INPP4A: variants seen among roughly 807,000 people sequenced by gnomAD.
INPP4A encodes inositol polyphosphate-4-phosphatase type I A.
INPP4A carries 33 observed loss-of-function variants against 119.8 expected under a neutral mutation model. That is an observed-to-expected ratio of 0.28 (90% confidence interval 0.21 to 0.37). The LOEUF is 0.37. Ranked by LOEUF, INPP4A falls within the 10% of genes least tolerant of loss-of-function variation. INPP4A has a pLI of 1.00. For missense variants in INPP4A, 956 were observed against 1,289.9 expected (o/e 0.74, Z 3.97); for synonymous variants, 496 against 500.7 (o/e 0.99, Z 0.12).
Position 98,576,999 on chromosome 2 carries a change from G to A in INPP4A, c.2642G>A (p.Arg881His), listed in dbSNP as rs746015383. The A allele has an allele frequency of 4.3e-6, 7 of 1,612,252 alleles. No individual in the cohort carries two copies. Among genetic ancestry groups the A allele is most frequent in the South Asian group, 1.1e-5 (1 of 91,020 alleles). ...ILWQAAEICR[R>H]LNGVRFTSCK... is the part of the protein sequence containing the mutation. ...TGTTTCTGTTGGCAGATCTGCCGCC[G>A]CCTTAATGGGGTCCGGTTCACCAGC... Residue 881 changes from arginine (R) to histidine (H), a missense_variant, in exon 24 of 25, where the codon CGC becomes CAC. Around this residue, in one of 2 missense-constraint regions of INPP4A, gnomAD observed 304 missense variants for 492.1 expected, o/e 0.62. Transcript: ENST00000409851.
intron 4 of INPP4A, among the ~76,000 whole-genome samples, chr2:98,523,660 CT>C (rs1247693161): frequency 6.6e-6 from 1 of 152,176 alleles, no homozygotes; most frequent in East Asian, 1.9e-4. Flanking sequence ...TCCCAAAGTG[CT>C]GGGATTACAG....
intron 13 of INPP4A, among the ~76,000 whole-genome samples, chr2:98,552,055 G>C (rs751685802): frequency 5.3e-5 from 8 of 152,172 alleles, no homozygotes; most frequent in Admixed American, 5.2e-4. Flanking sequence ...AGACACACAC[G>C]CTGCTTGGTG....
intron 10 of INPP4A, among the ~76,000 whole-genome samples, chr2:98,541,924 TTTG>T (rs1375524726): frequency 6.6e-6 from 1 of 152,224 alleles, no homozygotes; most frequent in East Asian, 1.9e-4. Flanking sequence ...GTTCAAGGGT[TTTG>T]TTGTTGTTTT....
chr2:98,546,973 ACT>A lies in INPP4A; in HGVS notation c.1163+282_1163+283del, dbSNP rs1692589230. The stretch of plus-strand genomic sequence containing the variant: ...TGCTCCAGGCAACCGCCCTATGTAG[ACT>A]CTGCTGGCTTGGCATCCTTTAGAGT... On this transcript the variant is annotated intron_variant, in intron 13 of 24. Transcript: ENST00000409851. The surrounding 1 kb of genome is among the most constrained non-coding windows in gnomAD (Gnocchi z 4.2). 6.6e-6 allele frequency among the ~76,000 whole-genome samples: 1 copy of A among 151,944 alleles called. No homozygotes were observed. The highest frequency in any genetic ancestry group is 2.4e-5 in the African/African-American group (1 of 41,344).
At position 98,445,956 on chromosome 2, in the gene INPP4A, C is replaced by T. The variant is rs571587225; in HGVS notation, c.-166+871C>T. Among the ~76,000 whole-genome samples, 5 of 152,344 alleles carry T rather than the reference C, an allele frequency of 3.3e-5. No individual in the cohort carries two copies. In the South Asian group the frequency reaches 8.3e-4, roughly 25 times the overall value. On this transcript the variant is annotated intron_variant, in intron 1 of 24. Transcript: ENST00000409851. ...AGTGGAATTTGATTTGTCGCCTGCC[C>T]CTCAGGGCATTTAAACCAAGGGAAT...
intron 22 of INPP4A, among the ~76,000 whole-genome samples, chr2:98,572,456 G>A (rs375318291): frequency 2.0e-5 from 3 of 152,316 alleles, no homozygotes; most frequent in African/African-American, 2.4e-5. Flanking sequence ...TTCTACCCTC[G>A]GGAAGTTTTG....
At chr2:98,579,623 G>A (rs930619971) in intron 24 of INPP4A, among the ~76,000 whole-genome samples, 1 of 152,244 alleles carries the variant, frequency 6.6e-6, no homozygotes, top group African/African-American at 2.4e-5. Flanking sequence ...TGTCACTCTT[G>A]TGAGGCTTCT....
At chr2:98,557,677 G>A (rs997195181) in intron 16 of INPP4A, among the ~76,000 whole-genome samples, 25 of 152,218 alleles carry the variant, frequency 1.6e-4, no homozygotes, top group Admixed American at 1.6e-3. Flanking sequence ...TTTTTCACCA[G>A]GGAGCTGCCC....
Position 98,448,558 on chromosome 2 carries a change from G to A in INPP4A, c.-166+3473G>A, listed in dbSNP as rs562561864. Among the ~76,000 whole-genome samples, 7 of 152,012 alleles carry A rather than the reference G, an allele frequency of 4.6e-5. No homozygotes were observed. In the East Asian group the frequency reaches 1.2e-3, roughly 25 times the overall value. On this transcript the variant is annotated intron_variant, in intron 1 of 24. Transcript: ENST00000409851. ...ACCACGTCTTTCTTTTGTATTTCAC[G>A]ACATAGACATATTTGAAGACTACTG...
chr2:98,559,729 T>C (rs1365852455), intron 17 of INPP4A, among the ~76,000 whole-genome samples: 1 of 152,200 alleles, frequency 6.6e-6, no homozygotes, highest in African/African-American at 2.4e-5. Flanking sequence ...TACTCTTACA[T>C]TCTAAAGTCT....
intron 1 of INPP4A, among the ~76,000 whole-genome samples, chr2:98,518,567 A>T (rs1406919725): frequency 6.6e-6 from 1 of 152,128 alleles, no homozygotes; most frequent in Non-Finnish European, 1.5e-5. Flanking sequence ...TTTGGTTTTC[A>T]TTGCAGCCCC....
chr2:98,471,898 T>C (rs550948751), intron 1 of INPP4A, among the ~76,000 whole-genome samples: 2 of 152,228 alleles, frequency 1.3e-5, no homozygotes, highest in South Asian at 2.1e-4. Context: ...TGAGGACTGA[T>C]TGAAGAAGTA....
intron 1 of INPP4A, among the ~76,000 whole-genome samples, chr2:98,474,994 T>G (rs1258370850): frequency 6.6e-6 from 1 of 152,094 alleles, no homozygotes; most frequent in Non-Finnish European, 1.5e-5. Context: ...TATCAGAAGT[T>G]TTTTTTCTTT....
At chr2:98,492,916 T>G (rs1681140108) in intron 1 of INPP4A, among the ~76,000 whole-genome samples, 1 of 152,164 alleles carries the variant, frequency 6.6e-6, no homozygotes, top group Admixed American at 6.5e-5. Context: ...GGAGTCCAGT[T>G]CAGTTCTGCA....
chr2:98,447,444 G>C (rs1179390365), intron 1 of INPP4A, among the ~76,000 whole-genome samples: 1 of 152,100 alleles, frequency 6.6e-6, no homozygotes, highest in Non-Finnish European at 1.5e-5. Flanking sequence ...GCCCATGCAG[G>C]CTTGCTTCAT....
chr2:98,499,269 C>G (rs1478755263), intron 1 of INPP4A, among the ~76,000 whole-genome samples: 1 of 152,218 alleles, frequency 6.6e-6, no homozygotes, highest in African/African-American at 2.4e-5. Flanking sequence ...CGCATGTCAG[C>G]AGTTATCCCA....
Position 98,503,934 on chromosome 2 carries a change from C to G in INPP4A, c.-165-15030C>G, listed in dbSNP as rs6724141. 5.7e-3 allele frequency among the ~76,000 whole-genome samples: 870 copies of G among 152,368 alleles called. 6 individuals are homozygous for G. Among genetic ancestry groups the G allele is most frequent in the African/African-American group, 0.019 (809 of 41,588 alleles). On this transcript the variant is annotated intron_variant, in intron 1 of 24. Coordinates refer to ENST00000409851, the MANE Select transcript of INPP4A (RefSeq NM_001134225.2). ...GTGCTGCGTGTCAGTTGGCACTTGT[C>G]CCTACATGGTTGAACTTACTCAACC...
intron 5 of INPP4A, 111 bp from the exon 6 acceptor site, chr2:98,535,618 C>T (rs1182430124): frequency 1.6e-6 from 1 of 634,510 alleles, no homozygotes; most frequent in Non-Finnish European, 2.8e-6. Flanking sequence ...TGTGTTGATT[C>T]AAGGCAGTGA....
At position 98,590,375 on chromosome 2, in the gene INPP4A, C is replaced by T. The variant is rs145427248; in HGVS notation, c.*2767C>T. On this transcript the variant is annotated 3_prime_UTR_variant, in exon 25 of 25. Transcript: ENST00000409851. Reference sequence around the variant, plus strand: ...GTTAAGAGCACGGACTTTGGGAGCACACAGACCAGGTCCCAATCCTGGTTC... The same window carrying T: ...GTTAAGAGCACGGACTTTGGGAGCATACAGACCAGGTCCCAATCCTGGTTC... 8.0e-5 allele frequency: 15 copies of T among 187,540 alleles called. No homozygotes were observed. Among genetic ancestry groups the T allele is most frequent in the African/African-American group, 3.5e-4 (15 of 42,908 alleles). 11.6% of individuals were successfully genotyped at this position (187,540 alleles called of 1,614,324 possible).
Sources: gnomAD v4.1 joint callset for allele counts (sites outside exome capture counted in the v4.1 genomes callset) on GRCh38, gnomAD v4.1.1 for gene constraint, gnomAD v4.1.1 regional missense constraint, Gnocchi (gnomAD v3.1) non-coding constraint, MANE v1.5 for transcripts, NCBI Gene and HGNC (gene_info 2026-07-23, HGNC 2026-07-21) for gene names.